The following SLC39A11 variants were observed in gnomAD, a reference collection of about 807,000 sequenced individuals.
The protein encoded by SLC39A11 is solute carrier family 39 member 11, also known as zinc transporter ZIP11.
Under a neutral mutation model 36.1 loss-of-function variants are expected in SLC39A11, and 33 were observed. The observed-to-expected ratio is 0.91, with a 90% CI of 0.69 to 1.22. The LOEUF (loss-of-function observed/expected upper bound fraction) is 1.22, where lower values mean the gene tolerates loss of function less well. SLC39A11 is among the 50% of genes most tolerant of loss of function. SLC39A11 has a pLI of 0.00. For missense variants in SLC39A11, 432 were observed against 430.3 expected (o/e 1.00, Z -0.03); for synonymous variants, 166 against 170.3 (o/e 0.97, Z 0.20).
intron 4 of SLC39A11, among the ~76,000 whole-genome samples, chr17:72,974,289 A>G (rs1483783254): frequency 6.6e-6 from 1 of 151,890 alleles, no homozygotes; most frequent in Non-Finnish European, 1.5e-5. Context: ...TAGTAGAGAC[A>G]AGGTTTTGCC....
intron 6 of SLC39A11, among the ~76,000 whole-genome samples, chr17:72,746,594 C>T (rs138669978): frequency 0.044 from 6,766 of 152,092 alleles, 223 homozygotes; most frequent in East Asian, 0.1. Context: ...AAAAATTAGC[C>T]GGGCGTGGTG....
chr17:72,824,783 T>C (rs1444356730), intron 6 of SLC39A11, among the ~76,000 whole-genome samples: 1 of 151,150 alleles, frequency 6.6e-6, no homozygotes, highest in Non-Finnish European at 1.5e-5. Flanking sequence ...GATCTGTGAA[T>C]TTGAGAGTGA....
chr17:72,738,395 T>C (rs2074526813), intron 6 of SLC39A11, among the ~76,000 whole-genome samples: 1 of 152,144 alleles, frequency 6.6e-6, no homozygotes, highest in Non-Finnish European at 1.5e-5. Flanking sequence ...CGGTCTACAC[T>C]GATGGGGTGG....
chr17:72,660,779 TG>T (rs993498426), intron 7 of SLC39A11, among the ~76,000 whole-genome samples: 39 of 152,238 alleles, frequency 2.6e-4, no homozygotes, highest in African/African-American at 9.1e-4. Flanking sequence ...TTCCTTGTTG[TG>T]GGGGCCTGGT....
intron 6 of SLC39A11, among the ~76,000 whole-genome samples, chr17:72,748,067 A>G (rs906566809): frequency 6.6e-6 from 1 of 152,216 alleles, no homozygotes; most frequent in African/African-American, 2.4e-5. Context: ...CACGCCTGTA[A>G]TCCCAGCACT....
intron 3 of SLC39A11, among the ~76,000 whole-genome samples, chr17:73,032,347 T>C (rs995193091): frequency 1.3e-5 from 2 of 152,020 alleles, no homozygotes; most frequent in African/African-American, 2.4e-5. Flanking sequence ...GCTGGGATTA[T>C]GGGTGTGTGC....
intron 3 of SLC39A11, among the ~76,000 whole-genome samples, chr17:73,044,761 C>A (rs1157098044): frequency 6.6e-6 from 1 of 151,830 alleles, no homozygotes; most frequent in Non-Finnish European, 1.5e-5. Flanking sequence ...GTAATCCCAG[C>A]TACTCAGGAG....
Position 72,790,487 on chromosome 17 carries a change from T to G in SLC39A11, c.602-53768A>C, listed in dbSNP as rs192390138. On this transcript the variant is annotated intron_variant, in intron 6 of 9. Transcript: ENST00000255559. ...GCTGCTTCTCCAAGGAATGAGAAGA[T>G]AAGAGAATCCATCTTTCAAAGAAAA... 2.4e-4 allele frequency among the ~76,000 whole-genome samples: 37 copies of G among 152,078 alleles called. 1 individual carries two copies. The East Asian group carries it at 5.6e-3, about 23-fold the overall frequency.
chr17:72,882,526 G>A (rs912440535), intron 5 of SLC39A11, among the ~76,000 whole-genome samples: 1 of 152,128 alleles, frequency 6.6e-6, no homozygotes, highest in African/African-American at 2.4e-5. Flanking sequence ...TTAACTTCCT[G>A]GCTCTCTGCA....
chr17:72,971,527 G>A (rs2087453439), intron 4 of SLC39A11, among the ~76,000 whole-genome samples: 1 of 152,148 alleles, frequency 6.6e-6, no homozygotes, highest in Non-Finnish European at 1.5e-5. Context: ...TTCCCATCCA[G>A]ATGGAAAGCA....
rs1390292451 is a variant in SLC39A11, at chr17:72,736,637, G to A, written c.671+13C>T. 2 of 1,613,300 alleles carry A rather than the reference G, an allele frequency of 1.2e-6. No individual in the cohort carries two copies. Among genetic ancestry groups the A allele is most frequent in the East Asian group, 4.5e-5 (2 of 44,866 alleles). ...GCAGAACCATGCTCTAGGGTCCCAG[G>A]ATGCTGGCTTACCTGGCACTCTCAA... On this transcript the variant is annotated intron_variant, in intron 7 of 9. Coordinates refer to ENST00000255559, the MANE Select transcript of SLC39A11 (RefSeq NM_139177.4).
At chr17:72,680,244 C>A (rs2071455124) in intron 7 of SLC39A11, among the ~76,000 whole-genome samples, 1 of 151,982 alleles carries the variant, frequency 6.6e-6, no homozygotes, top group African/African-American at 2.4e-5. Context: ...CAGTCACTCC[C>A]CACCCCTACC....
chr17:72,879,064 A>G (rs1394670988), intron 5 of SLC39A11, among the ~76,000 whole-genome samples: 1 of 152,224 alleles, frequency 6.6e-6, no homozygotes, highest in African/African-American at 2.4e-5. Flanking sequence ...AATGGAAGCA[A>G]TGCATAGGGA....
rs187480684 is a variant in SLC39A11 at position 72,871,516 on chromosome 17, G to A, written c.431-21712C>T. ...ACACCCAAACCTGGCCTCTGGGGAG[G>A]AGGAGAGGGCCTACAGGTTGAGTTG... On this transcript the variant is annotated intron_variant, in intron 5 of 9. Transcript: ENST00000255559. Among the ~76,000 whole-genome samples the A allele has an allele frequency of 4.6e-3, 700 of 152,252 alleles. 5 individuals are homozygous for A. The highest frequency in any genetic ancestry group is 0.016 in the African/African-American group (671 of 41,554).
chr17:72,872,408 A>G (rs566197298), intron 5 of SLC39A11, among the ~76,000 whole-genome samples: 1 of 152,322 alleles, frequency 6.6e-6, no homozygotes, highest in African/African-American at 2.4e-5. Context: ...ACAGACGGGT[A>G]CAACCCACCC....
Position 72,944,341 on chromosome 17 carries a change from G to T in SLC39A11, c.430+3411C>A, listed in dbSNP as rs1232943795. Among the ~76,000 whole-genome samples, 7 of 152,294 alleles carry T rather than the reference G, an allele frequency of 4.6e-5. No individual in the cohort carries two copies. The East Asian group carries it at 1.3e-3, about 29-fold the overall frequency. On this transcript the variant is annotated intron_variant, in intron 5 of 9. Coordinates refer to ENST00000255559, the MANE Select transcript of SLC39A11 (RefSeq NM_139177.4). ...ATGGGGAAATTAACAATTAGTAAGA[G>T]AATCAACTGATTCACTTTTAACTAC...
intron 5 of SLC39A11, among the ~76,000 whole-genome samples, chr17:72,891,104 G>C (rs147944800): frequency 6.6e-6 from 1 of 150,980 alleles, no homozygotes; most frequent in African/African-American, 2.4e-5. Context: ...GGGGTGGGGG[G>C]TGGCAGGGCG....
chr17:73,052,881 A>C (rs370118321), intron 3 of SLC39A11, among the ~76,000 whole-genome samples: 3 of 152,138 alleles, frequency 2.0e-5, no homozygotes, highest in African/African-American at 7.2e-5. Context: ...TTGCATTTTT[A>C]GTAGAGACAA....
intron 4 of SLC39A11, among the ~76,000 whole-genome samples, chr17:72,956,579 T>C (rs2086258578): frequency 6.6e-6 from 1 of 152,250 alleles, no homozygotes; most frequent in African/African-American, 2.4e-5. Flanking sequence ...AACCGAAGTA[T>C]AATGAAGTAT....
Sources: gnomAD v4.1 joint callset for allele counts (sites outside exome capture counted in the v4.1 genomes callset) on GRCh38, gnomAD v4.1.1 for gene constraint, MANE v1.5 for transcripts, NCBI Gene and HGNC (gene_info 2026-07-23, HGNC 2026-07-21) for gene names.